Variants in FBXL13 observed in about 807,000 individuals in gnomAD.
The protein encoded by FBXL13 is F-box and leucine rich repeat protein 13.
In FBXL13, 67 loss-of-function variants were observed where a neutral mutation model predicts 83.6. The ratio of observed to expected loss-of-function variants is 0.80; its 90% CI spans 0.66 to 0.98. The LOEUF is 0.98. Ranked by LOEUF, FBXL13 falls within the 50% of genes least tolerant of loss-of-function variation. FBXL13 has a pLI of 0.00. For synonymous variants in FBXL13, 272 were observed against 299.5 expected (o/e 0.91, Z 0.95); for missense variants, 822 against 866.5 (o/e 0.95, Z 0.64).
At chr7:102,886,957 GT>G (rs1810880382) in intron 11 of FBXL13, among the ~76,000 whole-genome samples, 1 of 152,020 alleles carries the variant, frequency 6.6e-6, no homozygotes, top group Non-Finnish European at 1.5e-5. Context: ...TTTTTCTATT[GT>G]GCTACAGAAG....
At chr7:102,985,216 C>T (rs181579761) in intron 6 of FBXL13, among the ~76,000 whole-genome samples, 1 of 152,322 alleles carries the variant, frequency 6.6e-6, no homozygotes, top group Admixed American at 6.5e-5. Flanking sequence ...TTCTTTCATG[C>T]TCACCACCTG....
At chr7:102,844,265 G>A (rs1753916339) in intron 17 of FBXL13, among the ~76,000 whole-genome samples, 1 of 152,140 alleles carries the variant, frequency 6.6e-6, no homozygotes. Context: ...CTATGTTTGG[G>A]TTTGGAGAAC....
intron 6 of FBXL13, among the ~76,000 whole-genome samples, chr7:102,985,995 C>T (rs1204557229): frequency 1.3e-5 from 2 of 150,552 alleles, no homozygotes; most frequent in Non-Finnish European, 2.9e-5. Context: ...CCACACCCCA[C>T]ATCCCTGGAA....
chr7:102,993,601 GAA>G (rs796232172), intron 6 of FBXL13, among the ~76,000 whole-genome samples: 1 of 143,686 alleles, frequency 7.0e-6, no homozygotes, highest in Non-Finnish European at 1.5e-5. Flanking sequence ...TACACAGAAG[GAA>G]AAAAAAAAAC....
chr7:102,854,391 G>A (rs1805722974), intron 17 of FBXL13, among the ~76,000 whole-genome samples: 1 of 152,126 alleles, frequency 6.6e-6, no homozygotes, highest in South Asian at 2.1e-4. Flanking sequence ...GGAGAGGGGA[G>A]GGATAGCATT....
intron 11 of FBXL13, among the ~76,000 whole-genome samples, chr7:102,912,311 C>A (rs1261223553): frequency 6.6e-6 from 1 of 152,134 alleles, no homozygotes; most frequent in African/African-American, 2.4e-5. Context: ...AATATTTCAG[C>A]CAGTTCTCAC....
intron 6 of FBXL13, among the ~76,000 whole-genome samples, chr7:102,986,565 G>A (rs992272527): frequency 2.0e-5 from 3 of 152,134 alleles, no homozygotes; most frequent in African/African-American, 7.2e-5. Flanking sequence ...CCGTGTGGAT[G>A]TGGACTGAAG....
intron 1 of FBXL13, among the ~76,000 whole-genome samples, chr7:103,073,520 G>A (rs1799243248): frequency 6.6e-6 from 1 of 151,932 alleles, no homozygotes; most frequent in Non-Finnish European, 1.5e-5. Flanking sequence ...TGTCTTGGAG[G>A]ACATTTCTTC....
chr7:102,909,588 C>T (rs1217081824), intron 11 of FBXL13, among the ~76,000 whole-genome samples: 2 of 152,148 alleles, frequency 1.3e-5, no homozygotes, highest in Non-Finnish European at 2.9e-5. Flanking sequence ...CCCAAGGGCT[C>T]TTCAGTTAAC....
At chr7:102,934,486 G>A in intron 8 of FBXL13, 2 of 1,614,142 alleles carry the variant, frequency 1.2e-6, no homozygotes, top group Non-Finnish European at 1.7e-6. Context: ...ACTACGCCAA[G>A]TGTGAAAGTC....
chr7:102,998,884 T>A (rs1790097936), intron 6 of FBXL13, among the ~76,000 whole-genome samples: 1 of 152,106 alleles, frequency 6.6e-6, no homozygotes, highest in African/African-American at 2.4e-5. Context: ...ATAATTTGAC[T>A]TCCTCCTTCC....
At chr7:103,046,632 G>A (rs1381160442) in intron 2 of FBXL13, among the ~76,000 whole-genome samples, 2 of 152,128 alleles carry the variant, frequency 1.3e-5, no homozygotes, top group Non-Finnish European at 2.9e-5. Context: ...TACCCTATAA[G>A]TGCACATAAT....
At chr7:103,065,758 G>C (rs189445430) in intron 1 of FBXL13, among the ~76,000 whole-genome samples, 1 of 152,332 alleles carries the variant, frequency 6.6e-6, no homozygotes, top group East Asian at 1.9e-4. Context: ...GGTATAGTGG[G>C]GAAGTCCATT....
At chr7:102,964,549 C>A (rs990924319) in intron 7 of FBXL13, among the ~76,000 whole-genome samples, 9 of 151,578 alleles carry the variant, frequency 5.9e-5, no homozygotes, top group African/African-American at 2.2e-4. Context: ...ATTATAGGCA[C>A]CTGCCACCAT....
intron 14 of FBXL13, among the ~76,000 whole-genome samples, chr7:102,880,170 T>C (rs914257505): frequency 2.0e-5 from 3 of 152,268 alleles, no homozygotes; most frequent in African/African-American, 7.2e-5. Context: ...TGAAAGTTGC[T>C]GGAACTTGCT....
At chr7:103,070,777 A>G (rs931969534) in intron 1 of FBXL13, among the ~76,000 whole-genome samples, 2 of 152,280 alleles carry the variant, frequency 1.3e-5, no homozygotes, top group Admixed American at 6.5e-5. Context: ...GCTCTTCTAA[A>G]CAACCAGCTC....
At chr7:102,940,837 GC>G (rs1005677605) in intron 8 of FBXL13, among the ~76,000 whole-genome samples, 2 of 152,180 alleles carry the variant, frequency 1.3e-5, no homozygotes, top group Non-Finnish European at 2.9e-5. Flanking sequence ...TAACACAAGT[GC>G]TTTCACTAGG....
chr7:102,940,209 TTTTG>T (rs1445621423), intron 8 of FBXL13, among the ~76,000 whole-genome samples: 7 of 148,910 alleles, frequency 4.7e-5, no homozygotes, highest in East Asian at 2.0e-4. Flanking sequence ...TAGTGACTTT[TTTTG>T]TTTGTTTTTT....
chr7:102,813,247 T>G (rs962805922), exon 20 of FBXL13: 2 of 1,129,064 alleles, frequency 1.8e-6, no homozygotes, highest in South Asian at 3.1e-5. Context: ...CTTGTTTACA[T>G]TGTTATTGAG....
Sources: allele counts gnomAD v4.1 joint callset (sites outside exome capture counted in the v4.1 genomes callset), GRCh38; gene constraint gnomAD v4.1.1; transcripts MANE v1.5; gene names NCBI Gene and HGNC (gene_info 2026-07-23, HGNC 2026-07-21).